Variants in KCNK2 observed in about 807,000 individuals in gnomAD.
KCNK2 encodes potassium two pore domain channel subfamily K member 2, also known as potassium channel subfamily K member 2.
KCNK2 carries 21 observed loss-of-function variants against 40.5 expected under a neutral mutation model. The observed-to-expected ratio is 0.52, with a 90% confidence interval of 0.37 to 0.75. The LOEUF is 0.75. KCNK2 is among the 30% of genes least tolerant of loss of function. The pLI, the probability that KCNK2 is intolerant of heterozygous loss-of-function variation, is 0.00. For missense variants in KCNK2, 399 were observed against 531.6 expected, an observed-to-expected ratio of 0.75 and a Z score of 2.45; for synonymous variants, 191 against 202.2, an observed-to-expected ratio of 0.94 and a Z score of 0.47.
At chr1:215,153,393 G>A (rs780409746) in intron 3 of KCNK2, among the ~76,000 whole-genome samples, 4 of 152,050 alleles carry the variant, frequency 2.6e-5, no homozygotes, top group African/African-American at 9.7e-5. Flanking sequence ...CAAACATGAT[G>A]GATCTGGGCC....
intron 3 of KCNK2, among the ~76,000 whole-genome samples, chr1:215,135,580 T>TA (rs562330132): frequency 1.8e-4 from 27 of 150,016 alleles, no homozygotes; most frequent in Middle Eastern, 3.4e-3. Flanking sequence ...ATATAAAAAT[T>TA]AAAAAAAAAA....
chr1:215,059,572 C>T (rs994430855), intron 1 of KCNK2, among the ~76,000 whole-genome samples: 1 of 152,246 alleles, frequency 6.6e-6, no homozygotes, highest in South Asian at 2.1e-4. Flanking sequence ...AGGTATCCAT[C>T]GCCTTGGGGT....
chr1:215,100,193 C>G (rs1173604120), intron 2 of KCNK2, among the ~76,000 whole-genome samples: 1 of 151,696 alleles, frequency 6.6e-6, no homozygotes, highest in African/African-American at 2.4e-5. Flanking sequence ...TCCTGTTAAC[C>G]CAGGAGTCAC....
At chr1:215,068,789 A>G (rs1402715526) in intron 1 of KCNK2, among the ~76,000 whole-genome samples, 2 of 152,198 alleles carry the variant, frequency 1.3e-5, no homozygotes, top group Non-Finnish European at 2.9e-5. Flanking sequence ...TAGTATATAC[A>G]TATTATACCT....
chr1:215,125,768 AT>A (rs1661400666), intron 3 of KCNK2, among the ~76,000 whole-genome samples: 3 of 31,132 alleles, frequency 9.6e-5, no homozygotes, highest in South Asian at 6.0e-4. Context: ...ATATATATAT[AT>A]ATATATATAA....
intron 2 of KCNK2, among the ~76,000 whole-genome samples, chr1:215,087,661 G>T (rs1003842954): frequency 6.6e-6 from 1 of 152,178 alleles, no homozygotes. Flanking sequence ...AATTGGAATG[G>T]AAATTATCTG....
At chr1:215,201,883 C>T (rs1665094672) in intron 6 of KCNK2, among the ~76,000 whole-genome samples, 1 of 152,072 alleles carries the variant, frequency 6.6e-6, no homozygotes, top group African/African-American at 2.4e-5. Flanking sequence ...CTTCTTCCCA[C>T]CCTCCATCAC....
At chr1:215,174,283 A>C (rs1262757058) in intron 5 of KCNK2, among the ~76,000 whole-genome samples, 1 of 151,984 alleles carries the variant, frequency 6.6e-6, no homozygotes, top group Non-Finnish European at 1.5e-5. Flanking sequence ...ATAGTTGTAG[A>C]TGTGTGCTAT....
At chr1:215,102,632 G>A (rs748608174) in intron 2 of KCNK2, among the ~76,000 whole-genome samples, 11 of 151,932 alleles carry the variant, frequency 7.2e-5, no homozygotes, top group East Asian at 1.9e-4. Flanking sequence ...TTCACTCACC[G>A]TCACTCATTT....
intron 3 of KCNK2, among the ~76,000 whole-genome samples, chr1:215,141,846 A>C (rs1662187637): frequency 6.6e-6 from 1 of 152,054 alleles, no homozygotes; most frequent in Non-Finnish European, 1.5e-5. Flanking sequence ...TATTCCAGTT[A>C]ATTCGTTGTT....
intron 1 of KCNK2, among the ~76,000 whole-genome samples, chr1:215,034,217 A>G (rs1657304443): frequency 6.6e-6 from 1 of 152,188 alleles, no homozygotes; most frequent in Non-Finnish European, 1.5e-5. Context: ...TGTGCCAAGA[A>G]TAGAAACTGG....
intron 1 of KCNK2, among the ~76,000 whole-genome samples, chr1:215,024,328 G>A (rs549379935): frequency 1.3e-4 from 20 of 152,304 alleles, no homozygotes; most frequent in Admixed American, 1.3e-3. Context: ...TGATGTCAAG[G>A]CTGCATCCAT....
At chr1:215,080,015 A>AG (rs1659090704), upstream of KCNK2, among the ~76,000 whole-genome samples, 1 of 152,096 alleles carries the variant, frequency 6.6e-6, no homozygotes. Flanking sequence ...ACCCTACATG[A>AG]ATGTGGGGCC....
intron 3 of KCNK2, 105 bp downstream of exon 3, chr1:215,124,855 A>G (rs1661348003): frequency 1.0e-5 from 7 of 692,868 alleles, no homozygotes; most frequent in Middle Eastern, 2.8e-4. Context: ...TACTTAAGGT[A>G]GAAAAACTAG....
At chr1:215,230,507 G>GTATATATATATATACATATATATATA (rs1666597310) in intron 6 of KCNK2, among the ~76,000 whole-genome samples, 1 of 65,580 alleles carries the variant, frequency 1.5e-5, no homozygotes, top group African/African-American at 7.2e-5. Context: ...ACACACGGCT[G>GTATATATATATATACATATATATATA]TATATATATA....
chr1:215,100,966 T>C (rs907747645), intron 2 of KCNK2, among the ~76,000 whole-genome samples: 1 of 152,058 alleles, frequency 6.6e-6, no homozygotes, highest in Non-Finnish European at 1.5e-5. Flanking sequence ...GAATCCCTAC[T>C]TAGAAACATT....
intron 2 of KCNK2, among the ~76,000 whole-genome samples, chr1:215,095,327 A>G (rs1303518890): frequency 6.6e-6 from 1 of 152,120 alleles, no homozygotes; most frequent in Non-Finnish European, 1.5e-5. Context: ...AGACAGTTAT[A>G]CAGGAATGCG....
intron 6 of KCNK2, among the ~76,000 whole-genome samples, chr1:215,209,480 A>ATATAATATAATATATATTATATC (rs1665518909): frequency 1.3e-4 from 1 of 7,758 alleles, no homozygotes; most frequent in Non-Finnish European, 2.1e-4. Flanking sequence ...TATATATTAT[A>ATATAATATAATATATATTATATC]TATAATACAT....
At chr1:215,232,948 G>C (rs1391003865) in intron 6 of KCNK2, among the ~76,000 whole-genome samples, 1 of 152,196 alleles carries the variant, frequency 6.6e-6, no homozygotes. Context: ...TTGTAAGTGT[G>C]CATGAAATTT....
Sources: gnomAD v4.1 joint callset for allele counts (sites outside exome capture counted in the v4.1 genomes callset) on GRCh38, gnomAD v4.1.1 for gene constraint, MANE v1.5 for transcripts, NCBI Gene and HGNC (gene_info 2026-07-23, HGNC 2026-07-21) for gene names.